Variants in RC3H1 observed in about 807,000 individuals in gnomAD.
The protein encoded by RC3H1 is roquin-1.
A neutral mutation model predicts 138.2 loss-of-function variants in RC3H1; 50 were observed. The observed-to-expected ratio is 0.36, with a 90% CI of 0.29 to 0.46. The LOEUF is 0.46. RC3H1 is among the 20% of genes least tolerant of loss of function. The probability of loss-of-function intolerance (pLI) is 1.00; values close to 1 mark genes in which losing one functional copy is unlikely to be tolerated. For synonymous variants in RC3H1, 462 were observed against 489.1 expected, an observed-to-expected ratio of 0.94 and a Z score of 0.73; for missense variants, 1,031 against 1,388.1, an observed-to-expected ratio of 0.74 and a Z score of 4.09.
rs1161052514 is a variant in RC3H1, at chr1:173,937,767, C to T, written c.*954G>A. 1 of 152,116 alleles carries T rather than the reference C, an allele frequency of 6.6e-6. No individual in the cohort carries two copies. The highest frequency in any genetic ancestry group is 2.4e-5 in the African/African-American group (1 of 41,426). 9.4% of individuals were successfully genotyped at this position (152,116 alleles called of 1,614,324 possible). Reference sequence around the variant, plus strand: ...CAAATCAAATGTTGCAGTTTTAAAACATAGTTGATTGTCCTTGTTTTTTAG... The same window carrying T: ...CAAATCAAATGTTGCAGTTTTAAAATATAGTTGATTGTCCTTGTTTTTTAG... On this transcript the variant is annotated 3_prime_UTR_variant, in exon 20 of 20. Coordinates refer to ENST00000367696, the MANE Select transcript of RC3H1 (RefSeq NM_172071.4).
At chr1:174,008,869 T>C (rs375839907) in intron 1 of RC3H1, among the ~76,000 whole-genome samples, 5 of 149,952 alleles carry the variant, frequency 3.3e-5, no homozygotes, top group African/African-American at 1.2e-4. Context: ...CCCAGCTACT[T>C]GGGAGGCTGA....
chr1:174,005,484 CAT>C (rs1306499789), intron 1 of RC3H1, among the ~76,000 whole-genome samples: 1 of 151,990 alleles, frequency 6.6e-6, no homozygotes, highest in Non-Finnish European at 1.5e-5. Flanking sequence ...TTTGAGAAAA[CAT>C]ATAATATTGA....
intron 10 of RC3H1, among the ~76,000 whole-genome samples, chr1:173,964,488 C>A (rs1324916328): frequency 6.6e-6 from 1 of 152,106 alleles, no homozygotes; most frequent in Admixed American, 6.5e-5. Context: ...ATGCTTCAGC[C>A]TCCCAAGTAG....
At chr1:174,012,237 A>T (rs1661783748) in intron 1 of RC3H1, among the ~76,000 whole-genome samples, 1 of 152,056 alleles carries the variant, frequency 6.6e-6, no homozygotes, top group South Asian at 2.1e-4. Flanking sequence ...TCTCAAAAAA[A>T]AAAATAGGTA....
intron 12 of RC3H1, 63 bp downstream of exon 12, chr1:173,961,662 G>A: frequency 6.9e-7 from 1 of 1,443,082 alleles, no homozygotes; most frequent in Non-Finnish European, 9.4e-7. Context: ...TGCATAAAAA[G>A]TAAGGAATCA....
At chr1:173,990,635 C>T (rs374932623) in intron 2 of RC3H1, among the ~76,000 whole-genome samples, 3 of 150,232 alleles carry the variant, frequency 2.0e-5, no homozygotes, top group Non-Finnish European at 4.4e-5. Flanking sequence ...TGCAGTGGTG[C>T]GATCTCGGCT....
chr1:174,010,464 G>C (rs530779749), intron 1 of RC3H1, among the ~76,000 whole-genome samples: 119 of 152,188 alleles, frequency 7.8e-4, no homozygotes, highest in Admixed American at 1.7e-3. Context: ...ACCCAGGCTA[G>C]AATGCAGTAG....
At chr1:173,950,338 C>G (rs1303474332) in intron 14 of RC3H1, among the ~76,000 whole-genome samples, 2 of 148,570 alleles carry the variant, frequency 1.3e-5, no homozygotes, top group Non-Finnish European at 3.0e-5. Context: ...ACAGCACTTT[C>G]AGAAGCAGGA....
intron 13 of RC3H1, 84 bp downstream of exon 13, chr1:173,960,993 C>T (rs1383233836): frequency 4.5e-6 from 6 of 1,338,922 alleles, no homozygotes; most frequent in East Asian, 4.7e-5. Flanking sequence ...AAAATCTTCA[C>T]ACCATTGGGA....
rs577700810 is a variant in RC3H1 at position 173,961,864 on chromosome 1, C to T, written c.2063G>A (p.Arg688Gln). The change falls in exon 12 of 20, where the codon CGA becomes CAA. Residue 688 changes from arginine (R) to glutamine (Q), a missense_variant. By Grantham distance (43) the Arg-to-Gln change is conservative (BLOSUM62 1). Around this residue, in one of 7 missense-constraint regions of RC3H1, gnomAD observed 716 missense variants for 837.9 expected, o/e 0.85. Transcript: ENST00000367696. ...AATCTCAATGGGTATAGGGCTTTCT[C>T]GGAATATCTCTTCTCTTGTGTAAGA... ...APSYTREEIFRESPIPIEIPP... is the reference protein window; with the variant it reads ...APSYTREEIFQESPIPIEIPP... The T allele has an allele frequency of 8.1e-6, 13 of 1,614,068 alleles. No individual in the cohort carries two copies. Among genetic ancestry groups the T allele is most frequent in the Middle Eastern group, 1.7e-4 (1 of 6,050 alleles).
At chr1:173,955,642 AAACACTATGTC>A (rs778747597) in intron 13 of RC3H1, among the ~76,000 whole-genome samples, 11 of 152,096 alleles carry the variant, frequency 7.2e-5, no homozygotes, top group Non-Finnish European at 1.3e-4. Context: ...ATCTTGAGAT[AAACACTATGTC>A]AACAATGTTG....
intron 2 of RC3H1, among the ~76,000 whole-genome samples, chr1:173,989,808 G>A (rs1267097699): frequency 7.3e-6 from 1 of 137,488 alleles, no homozygotes; most frequent in Non-Finnish European, 1.5e-5. Flanking sequence ...CTCACTGCAA[G>A]CTCCGCTTCC....
intron 13 of RC3H1, among the ~76,000 whole-genome samples, chr1:173,959,209 A>G (rs1659766819): frequency 6.6e-6 from 1 of 152,160 alleles, no homozygotes; most frequent in African/African-American, 2.4e-5. Context: ...ATTCAAAAGA[A>G]TCTACTAACA....
intron 2 of RC3H1, among the ~76,000 whole-genome samples, chr1:173,990,529 CCAGA>C (rs1317681257): frequency 5.4e-5 from 8 of 148,792 alleles, no homozygotes; most frequent in Non-Finnish European, 1.2e-4. Context: ...GGCCTATGTA[CCAGA>C]CAGTCTTTCT....
chr1:173,997,822 C>T (rs974264593), intron 1 of RC3H1, among the ~76,000 whole-genome samples: 1 of 152,102 alleles, frequency 6.6e-6, no homozygotes, highest in African/African-American at 2.4e-5. Flanking sequence ...TATTTCAGGA[C>T]TTAAAAAATC....
intron 9 of RC3H1, among the ~76,000 whole-genome samples, 192 bp from the exon 10 acceptor site, chr1:173,965,312 A>G (rs1266687654): frequency 6.6e-6 from 1 of 152,190 alleles, no homozygotes; most frequent in Middle Eastern, 3.2e-3. Flanking sequence ...TGTGTAACAT[A>G]GGCCGGGTGC....
chr1:173,942,860 C>CA (rs915432748), intron 18 of RC3H1, among the ~76,000 whole-genome samples: 2 of 151,304 alleles, frequency 1.3e-5, no homozygotes, highest in African/African-American at 2.4e-5. Context: ...AACTAAGCAA[C>CA]AAAAAAAATC....
chr1:174,021,618 G>C (rs1661962074), intron 1 of RC3H1, among the ~76,000 whole-genome samples: 1 of 152,172 alleles, frequency 6.6e-6, no homozygotes, highest in Admixed American at 6.5e-5. Context: ...CCAAAGAAGG[G>C]GAGCGCTTCA....
chr1:173,957,559 C>A (rs989732857), intron 13 of RC3H1, among the ~76,000 whole-genome samples: 3 of 151,974 alleles, frequency 2.0e-5, no homozygotes, highest in African/African-American at 7.2e-5. Context: ...TCTTCCCCCC[C>A]TCTAATTTTT....
Sources: gnomAD v4.1 joint callset for allele counts (sites outside exome capture counted in the v4.1 genomes callset) on GRCh38, gnomAD v4.1.1 for gene constraint, gnomAD v4.1.1 regional missense constraint, MANE v1.5 for transcripts, NCBI Gene and HGNC (gene_info 2026-07-23, HGNC 2026-07-21) for gene names.